The following RAPGEF4 variants were observed in gnomAD, a reference collection of about 807,000 sequenced individuals.
RAPGEF4 encodes the protein RAP guanine-nucleotide-exchange factor (GEF) 4.
Under a neutral mutation model 147.9 loss-of-function variants are expected in RAPGEF4, and 66 were observed. The observed-to-expected ratio is 0.45, with a 90% CI of 0.37 to 0.55. The LOEUF is 0.55. Among genes scored for constraint, RAPGEF4 ranks in the 20% least tolerant of loss-of-function variants. The pLI is 0.00. For synonymous variants in RAPGEF4, 419 were observed against 442.7 expected, an observed-to-expected ratio of 0.95 and a Z score of 0.67; for missense variants, 1,071 against 1,257.3, an observed-to-expected ratio of 0.85 and a Z score of 2.24.
At chr2:172,784,116 T>C (rs1684953921) in intron 1 of RAPGEF4, among the ~76,000 whole-genome samples, 1 of 152,220 alleles carries the variant, frequency 6.6e-6, no homozygotes, top group South Asian at 2.1e-4. Flanking sequence ...CGTATCTCTG[T>C]ATCTCTCTTA....
intron 8 of RAPGEF4, among the ~76,000 whole-genome samples, chr2:172,964,612 G>A (rs930039453): frequency 1.3e-5 from 2 of 152,064 alleles, no homozygotes; most frequent in Non-Finnish European, 2.9e-5. Context: ...CAGAGGTGGT[G>A]CTGTGCTTAG....
chr2:173,027,243 A>G lies in RAPGEF4; in HGVS notation c.2542A>G (p.Ile848Val), dbSNP rs1696750556. Residue 848 changes from isoleucine (I) to valine (V), a missense_variant, in exon 25 of 31, where the codon ATT becomes GTT. Ile to Val is a conservative substitution (Grantham distance 29). Transcript: ENST00000397081. ...GCGTGTTCAGCTATTAAAAAAATTT[A>G]TTAAGATAGCAGCCCAGTAAGTATA... ...SKRVQLLKKFIKIAAHCKEYK... is the reference protein window; with the variant it reads ...SKRVQLLKKFVKIAAHCKEYK... 6.3e-7 allele frequency: 1 copy of G among 1,595,694 alleles called. No homozygotes were observed. The highest frequency in any genetic ancestry group is 8.5e-7 in the Non-Finnish European group (1 of 1,175,384).
intron 4 of RAPGEF4, among the ~76,000 whole-genome samples, chr2:172,915,480 T>A (rs1434222700): frequency 6.6e-6 from 1 of 151,850 alleles, no homozygotes; most frequent in East Asian, 1.9e-4. Flanking sequence ...GCGGGTGGAT[T>A]GCTTTGAGCT....
chr2:172,920,581 A>G (rs1405303079), intron 5 of RAPGEF4, among the ~76,000 whole-genome samples: 1 of 152,144 alleles, frequency 6.6e-6, no homozygotes, highest in Admixed American at 6.5e-5. Flanking sequence ...ATTGCCTGCC[A>G]TGGAAGGTGA....
chr2:173,027,240 T>G lies in RAPGEF4; in HGVS notation c.2539T>G (p.Phe847Val), dbSNP rs1422204292. The G allele has an allele frequency of 5.6e-6, 9 of 1,595,328 alleles. No individual in the cohort carries two copies. Among genetic ancestry groups the G allele is most frequent in the Non-Finnish European group, 6.8e-6 (8 of 1,175,120 alleles). Residue 847 changes from phenylalanine (F) to valine (V), a missense_variant, in exon 25 of 31, where the codon TTT becomes GTT. Physicochemically the swap from Phe to Val is conservative, Grantham distance 50. Coordinates refer to ENST00000397081, the MANE Select transcript of RAPGEF4 (RefSeq NM_007023.4). ...CAAGCGTGTTCAGCTATTAAAAAAA[T>G]TTATTAAGATAGCAGCCCAGTAAGT... ...LSKRVQLLKK[F>V]IKIAAHCKEY...
At chr2:172,881,833 T>C (rs1430723039) in intron 4 of RAPGEF4, among the ~76,000 whole-genome samples, 1 of 152,206 alleles carries the variant, frequency 6.6e-6, no homozygotes, top group Non-Finnish European at 1.5e-5. Context: ...AATTCATCAG[T>C]GGCCTTTAAA....
chr2:172,821,646 C>A, intron 4 of RAPGEF4: 1 of 1,019,892 alleles, frequency 9.8e-7, no homozygotes, highest in Non-Finnish European at 1.2e-6. Flanking sequence ...ACCAGGGTCT[C>A]ATTCCTGTGT....
intron 9 of RAPGEF4, among the ~76,000 whole-genome samples, chr2:172,966,496 C>T (rs1047705596): frequency 2.6e-5 from 4 of 152,106 alleles, no homozygotes; most frequent in African/African-American, 9.7e-5. Context: ...AGGAATCGCC[C>T]TTTGAGCAGC....
chr2:172,875,346 G>A (rs1292345895), intron 4 of RAPGEF4, among the ~76,000 whole-genome samples: 1 of 151,922 alleles, frequency 6.6e-6, no homozygotes, highest in Non-Finnish European at 1.5e-5. Context: ...GAATGGTATT[G>A]CCTAGGTTTT....
At chr2:172,916,215 G>A (rs1256313355) in intron 4 of RAPGEF4, among the ~76,000 whole-genome samples, 1 of 152,172 alleles carries the variant, frequency 6.6e-6, no homozygotes. Flanking sequence ...TGGAGCTCAT[G>A]GGGATTGACA....
intron 4 of RAPGEF4, chr2:172,889,935 T>G: frequency 1.9e-6 from 1 of 536,108 alleles, no homozygotes; most frequent in Non-Finnish European, 2.4e-6. Context: ...TGGGAATGTT[T>G]CGTGATGTGC....
At chr2:172,770,120 T>C (rs1299993834) in intron 1 of RAPGEF4, among the ~76,000 whole-genome samples, 1 of 152,204 alleles carries the variant, frequency 6.6e-6, no homozygotes, top group Non-Finnish European at 1.5e-5. Flanking sequence ...GCTAAACTGC[T>C]TGAGGAAGTA....
At chr2:172,824,859 T>C (rs1010577516) in intron 4 of RAPGEF4, among the ~76,000 whole-genome samples, 1 of 152,248 alleles carries the variant, frequency 6.6e-6, no homozygotes, top group Non-Finnish European at 1.5e-5. Context: ...CCCCTAGGAA[T>C]CGTGGGAGGC....
chr2:172,826,770 C>T (rs1056424305), intron 4 of RAPGEF4, among the ~76,000 whole-genome samples: 1 of 152,030 alleles, frequency 6.6e-6, no homozygotes, highest in Non-Finnish European at 1.5e-5. Context: ...AGTTTGAGAT[C>T]AGCCTGGACA....
chr2:172,750,717 T>A (rs532687286), intron 1 of RAPGEF4, among the ~76,000 whole-genome samples: 2 of 152,338 alleles, frequency 1.3e-5, no homozygotes, highest in Admixed American at 1.3e-4. Flanking sequence ...TAGTTTTGAT[T>A]TGCATTTCTC....
intron 4 of RAPGEF4, among the ~76,000 whole-genome samples, chr2:172,867,443 C>G (rs1559085444): frequency 6.6e-6 from 1 of 152,016 alleles, no homozygotes; most frequent in Non-Finnish European, 1.5e-5. Context: ...AATATTTTAA[C>G]CTACACAGGA....
intron 4 of RAPGEF4, among the ~76,000 whole-genome samples, chr2:172,912,577 A>G: frequency 6.6e-6 from 1 of 152,248 alleles, no homozygotes; most frequent in East Asian, 1.9e-4. Context: ...TATTTTATTG[A>G]GAGTGGTTAG....
chr2:172,912,631 T>C (rs935703637), intron 4 of RAPGEF4, among the ~76,000 whole-genome samples: 11 of 152,218 alleles, frequency 7.2e-5, no homozygotes, highest in Non-Finnish European at 1.6e-4. Flanking sequence ...GACCCTAATT[T>C]ATATTTACTC....
rs541852188 is a variant in RAPGEF4 at position 172,909,491 on chromosome 2, T to C, written c.445-8311T>C. 5.3e-5 allele frequency among the ~76,000 whole-genome samples: 8 copies of C among 151,922 alleles called. No individual in the cohort carries two copies. In the South Asian group the frequency reaches 8.3e-4, roughly 16 times the overall value. ...CATTGATGTTGTTAAGGTGTTAGAG[T>C]GTGTTGGGATCCAGGGAAAGGGTTT... On this transcript the variant is annotated intron_variant, in intron 4 of 30. Coordinates refer to ENST00000397081, the MANE Select transcript of RAPGEF4 (RefSeq NM_007023.4).
Sources: gnomAD v4.1 joint callset for allele counts (sites outside exome capture counted in the v4.1 genomes callset) on GRCh38, gnomAD v4.1.1 for gene constraint, MANE v1.5 for transcripts, NCBI Gene and HGNC (gene_info 2026-07-23, HGNC 2026-07-21) for gene names.